GARIN2: variants seen among roughly 807,000 people sequenced by gnomAD.
The protein encoded by GARIN2 is golgi associated RAB2 interactor family member 2, also known as Golgi-associated RAB2 interactor protein 2.
At chr14:67,205,015 G>A in the GARIN2 span, 2 of 1,556,196 alleles carry the variant, frequency 1.3e-6, no homozygotes, top group Non-Finnish European at 1.7e-6. Flanking sequence ...AGACAGCTCT[G>A]ATATTACAAA....
chr14:67,225,051 TC>T, the GARIN2 span: 1 of 1,438,262 alleles, frequency 7.0e-7, no homozygotes, highest in Non-Finnish European at 9.2e-7. Flanking sequence ...TGGCTTTTTT[TC>T]TTTCTCACTT....
the GARIN2 span, among the ~76,000 whole-genome samples, chr14:67,205,464 G>A: frequency 2.0e-5 from 3 of 152,188 alleles, no homozygotes; most frequent in African/African-American, 7.2e-5. Flanking sequence ...TTAATACAAT[G>A]TAAGGGTTAA....
chr14:67,221,396 G>A, the GARIN2 span, among the ~76,000 whole-genome samples: 5 of 152,128 alleles, frequency 3.3e-5, no homozygotes, highest in Admixed American at 1.3e-4. Flanking sequence ...CAACATAGTT[G>A]ACCTTATTTA....
chr14:67,223,868 C>T, the GARIN2 span: 2 of 985,700 alleles, frequency 2.0e-6, no homozygotes, highest in Non-Finnish European at 2.4e-6. Flanking sequence ...CACCCTGTAC[C>T]CCAAGAAAAG....
the GARIN2 span, among the ~76,000 whole-genome samples, chr14:67,215,624 G>C: frequency 6.6e-6 from 1 of 152,134 alleles, no homozygotes; most frequent in Non-Finnish European, 1.5e-5. Flanking sequence ...CAGAAGGATA[G>C]AGGCAGGTGC....
chr14:67,223,744 C>T, the GARIN2 span: 122 of 984,370 alleles, frequency 1.2e-4, 1 homozygote, highest in African/African-American at 2.0e-3. Context: ...CCACTTTTTT[C>T]TTACTTAGGC....
the GARIN2 span, chr14:67,221,987 G>A: frequency 1.5e-6 from 1 of 683,554 alleles, no homozygotes; most frequent in African/African-American, 1.8e-5. Context: ...CTTTCTCAAA[G>A]CCGATCCTCA....
At chr14:67,225,318 T>C in the GARIN2 span, 119 of 1,280,468 alleles carry the variant, frequency 9.3e-5, no homozygotes, top group African/African-American at 1.7e-3. Flanking sequence ...TATGATACTG[T>C]CACACAAAAA....
At chr14:67,193,279 T>G in the GARIN2 span, among the ~76,000 whole-genome samples, 12 of 138,786 alleles carry the variant, frequency 8.6e-5, no homozygotes, top group Non-Finnish European at 1.7e-4. Context: ...TATCTATATA[T>G]CTCTATATAG....
the GARIN2 span, chr14:67,196,679 A>C: frequency 1.3e-5 from 2 of 152,254 alleles, no homozygotes; most frequent in Non-Finnish European, 2.9e-5. Flanking sequence ...ATAGGAGCTC[A>C]GGATTCCACT....
chr14:67,193,893 A>G, the GARIN2 span, among the ~76,000 whole-genome samples: 1 of 145,482 alleles, frequency 6.9e-6, no homozygotes, highest in South Asian at 2.2e-4. Flanking sequence ...TGCAGTGAGC[A>G]ATGATCACAC....
chr14:67,224,084 T>C, the GARIN2 span: 1 of 806,188 alleles, frequency 1.2e-6, no homozygotes, highest in Non-Finnish European at 1.5e-6. Context: ...TGATCTCAAA[T>C]TCATCTCTCA....
the GARIN2 span, chr14:67,204,486 A>T: frequency 6.6e-7 from 1 of 1,519,716 alleles, no homozygotes; most frequent in Admixed American, 2.4e-5. Context: ...AGGCCTTTTT[A>T]TAAGCCTCCC....
the GARIN2 span, among the ~76,000 whole-genome samples, chr14:67,213,921 G>A: frequency 6.6e-6 from 1 of 152,156 alleles, no homozygotes; most frequent in Non-Finnish European, 1.5e-5. Context: ...GCCAGTGATG[G>A]TGAGCATTTT....
At chr14:67,225,689 G>T in the GARIN2 span, among the ~76,000 whole-genome samples, 1 of 152,060 alleles carries the variant, frequency 6.6e-6, no homozygotes, top group Non-Finnish European at 1.5e-5. Context: ...TATGTAGCTT[G>T]TACACACCAT....
At chr14:67,205,008 C>T in the GARIN2 span, 14 of 1,558,056 alleles carry the variant, frequency 9.0e-6, 1 homozygote, top group South Asian at 1.6e-4. Context: ...AAGTCACAGA[C>T]AGCTCTGATA....
At chr14:67,220,237 A>G in the GARIN2 span, among the ~76,000 whole-genome samples, 7 of 152,132 alleles carry the variant, frequency 4.6e-5, no homozygotes, top group Admixed American at 1.3e-4. Flanking sequence ...GGAGCTCAAG[A>G]CCACCCTGGG....
the GARIN2 span, chr14:67,198,141 T>G: frequency 1.3e-5 from 21 of 1,598,400 alleles, no homozygotes; most frequent in Admixed American, 1.1e-4. Flanking sequence ...CTCAGTTTTT[T>G]TATGTTTATG....
chr14:67,198,611 G>A, the GARIN2 span, among the ~76,000 whole-genome samples: 1 of 152,060 alleles, frequency 6.6e-6, no homozygotes, highest in Non-Finnish European at 1.5e-5. Context: ...GGCATTTCCC[G>A]CCACAGGGAA....
Sources: allele counts gnomAD v4.1 joint callset (sites outside exome capture counted in the v4.1 genomes callset), GRCh38; gene constraint gnomAD v4.1.1; transcripts MANE v1.5; gene names NCBI Gene and HGNC (gene_info 2026-07-23, HGNC 2026-07-21).